Variants in STARD9 observed in about 807,000 individuals in gnomAD.
STARD9 encodes stAR-related lipid transfer protein 9.
A neutral mutation model predicts 399.8 loss-of-function variants in STARD9; 346 were observed. The observed-to-expected ratio is 0.87, with a 90% CI of 0.79 to 0.95. STARD9 has a LOEUF of 0.95. STARD9 is among the 40% of genes least tolerant of loss of function. The pLI, the probability that STARD9 is intolerant of heterozygous loss-of-function variation, is 0.00. For synonymous variants in STARD9, 2,203 were observed against 2,143.5 expected (o/e 1.03, Z -0.77); for missense variants, 5,832 against 5,667.5 (o/e 1.03, Z -0.93).
At chr15:42,596,944 A>G (rs533255417) in intron 3 of STARD9, among the ~76,000 whole-genome samples, 7 of 152,300 alleles carry the variant, frequency 4.6e-5, no homozygotes, top group Non-Finnish European at 8.8e-5. Flanking sequence ...ATTGTTTACA[A>G]TTCTTTTGGT....
In STARD9 at chr15:42,694,361, G is replaced by T. The variant is rs1410286302; in HGVS notation, c.12764+19G>T. 2.0e-6 allele frequency: 3 copies of T among 1,534,084 alleles called. No individual in the cohort carries two copies. Among genetic ancestry groups the T allele is most frequent in the Non-Finnish European group, 2.6e-6 (3 of 1,145,002 alleles). ...ATGCACGGTAAGGACCCCCAGCCTG[G>T]AGTCGGGAGGGGAAGGGGTGGGCTG... On this transcript the variant is annotated intron_variant, in intron 23 of 32. Transcript: ENST00000290607.
In STARD9 at chr15:42,638,801, C is replaced by G; in HGVS notation, c.548C>G (p.Pro183Arg). ...GTCAGGGAGCATCCAGAGATGGGGC[C>G]CTATGTACAAGGTGAGCTACTGTGG... ...LRVREHPEMG[P>R]YVQGLSQHVV... is the part of the protein sequence containing the mutation. Residue 183 changes from proline (P) to arginine (R), a missense_variant, in exon 7 of 33, where the codon CCC (proline) becomes CGC (arginine). Physicochemically the swap from Pro to Arg is moderately radical, Grantham distance 103. Coordinates refer to ENST00000290607, the MANE Select transcript of STARD9 (RefSeq NM_020759.3). The G allele has an allele frequency of 6.5e-7, 1 of 1,532,248 alleles. No homozygotes were observed. The highest frequency in any genetic ancestry group is 8.7e-7 in the Non-Finnish European group (1 of 1,143,658). The allele number at this position is 1,532,248 out of a possible 1,614,324, so 94.9% of individuals were successfully genotyped here.
chr15:42,647,953 T>G (rs1459386075), intron 7 of STARD9, among the ~76,000 whole-genome samples: 3 of 152,240 alleles, frequency 2.0e-5, no homozygotes, highest in Admixed American at 2.0e-4. Context: ...AAGTCTAATA[T>G]TTACTGGTTG....
chr15:42,607,663 C>CAG (rs1380442719), intron 3 of STARD9, among the ~76,000 whole-genome samples: 2 of 149,864 alleles, frequency 1.3e-5, no homozygotes, highest in Non-Finnish European at 3.0e-5. Context: ...CACACACACA[C>CAG]ACACACACAC....
chr15:42,635,107 T>G, intron 4 of STARD9, 135 bp downstream of exon 4: 1 of 518,652 alleles, frequency 1.9e-6, no homozygotes, highest in Non-Finnish European at 3.3e-6. Flanking sequence ...TTCTTCTGTT[T>G]TAAGAATGAG....
intron 9 of STARD9, among the ~76,000 whole-genome samples, chr15:42,657,314 C>G (rs184967251): frequency 8.8e-5 from 13 of 148,504 alleles, no homozygotes; most frequent in African/African-American, 3.3e-4. Context: ...GAGCTGAGAT[C>G]GTACCATCAC....
intron 6 of STARD9, 196 bp downstream of exon 6, chr15:42,638,283 G>A (rs2059457670): frequency 1.6e-6 from 1 of 612,180 alleles, no homozygotes; most frequent in African/African-American, 1.9e-5. Context: ...CCTACCCATA[G>A]ACTTAACAAG....
At chr15:42,709,792 T>G (rs2061171784) in intron 26 of STARD9, among the ~76,000 whole-genome samples, 3 of 152,184 alleles carry the variant, frequency 2.0e-5, no homozygotes, top group African/African-American at 7.2e-5. Flanking sequence ...CCTGTAAAAA[T>G]TATTACTGTG....
At chr15:42,709,516 C>T (rs2061165683) in intron 26 of STARD9, among the ~76,000 whole-genome samples, 1 of 152,116 alleles carries the variant, frequency 6.6e-6, no homozygotes, top group South Asian at 2.1e-4. Flanking sequence ...GAAACCCCGT[C>T]TCCACTAAAA....
Position 42,696,652 on chromosome 15 carries a change from G to A in STARD9, c.13284+772G>A, listed in dbSNP as rs1376752184. ...TGTGGGAGACCTCCTAGATGACCAC[G>A]GCAGAGCTGAGAGAGATGATTGCTT... On this transcript the variant is annotated intron_variant, in intron 26 of 32. Transcript: ENST00000290607. Among the ~76,000 whole-genome samples the A allele has an allele frequency of 3.3e-5, 5 of 152,184 alleles. No individual in the cohort carries two copies. The East Asian group carries it at 5.8e-4, about 18-fold the overall frequency.
intron 18 of STARD9, 101 bp downstream of exon 18, chr15:42,675,065 C>A (rs1482767615): frequency 7.9e-7 from 1 of 1,268,196 alleles, no homozygotes; most frequent in East Asian, 2.8e-5. Flanking sequence ...AAAAATGGAT[C>A]ACCCAGCCTC....
chr15:42,657,358 C>T (rs1365303025), intron 9 of STARD9, among the ~76,000 whole-genome samples: 1 of 112,158 alleles, frequency 8.9e-6, no homozygotes, highest in African/African-American at 5.7e-5. Context: ...GAGATTCCGT[C>T]TCAAAAAAAA....
At chr15:42,602,693 T>C (rs1431179472) in intron 3 of STARD9, among the ~76,000 whole-genome samples, 1 of 152,232 alleles carries the variant, frequency 6.6e-6, no homozygotes, top group Non-Finnish European at 1.5e-5. Context: ...GTCACACTGC[T>C]GTGCAAACAG....
At position 42,684,578 on chromosome 15, in the gene STARD9, G is replaced by A; in HGVS notation, c.3000G>A (p.Lys1000=). The A allele has an allele frequency of 6.5e-7, 1 of 1,537,254 alleles. No homozygotes were observed. Among genetic ancestry groups the A allele is most frequent in the Non-Finnish European group, 8.7e-7 (1 of 1,146,914 alleles). Reference sequence around the variant, plus strand: ...AAGAAGGGAACCTTGGGACCCACAAGGCTGCTAAGGGAGCCAGTTGCAATT... The same window carrying A: ...AAGAAGGGAACCTTGGGACCCACAAAGCTGCTAAGGGAGCCAGTTGCAATT... ...WRKEGNLGTH[K]AAKGASCNSL... The change falls in exon 23 of 33, where the codon AAG becomes AAA. Residue 1000 remains lysine, a synonymous_variant. Coordinates refer to ENST00000290607, the MANE Select transcript of STARD9 (RefSeq NM_020759.3).
At chr15:42,625,510 A>C (rs1419257232) in intron 3 of STARD9, among the ~76,000 whole-genome samples, 1 of 150,704 alleles carries the variant, frequency 6.6e-6, no homozygotes, top group East Asian at 1.9e-4. Context: ...TTTATATTTT[A>C]GTAGAGATGG....
At chr15:42,633,734 C>A (rs2059372773) in intron 3 of STARD9, among the ~76,000 whole-genome samples, 1 of 151,616 alleles carries the variant, frequency 6.6e-6, no homozygotes, top group South Asian at 2.1e-4. Context: ...CTTCCGCTTC[C>A]TGGGTTCAAG....
intron 26 of STARD9, among the ~76,000 whole-genome samples, chr15:42,699,948 C>A (rs2060930045): frequency 6.6e-6 from 1 of 152,118 alleles, no homozygotes; most frequent in African/African-American, 2.4e-5. Context: ...CTCAGGTGAT[C>A]CACCTGCCTC....
chr15:42,608,259 T>C (rs1347875094), intron 3 of STARD9, among the ~76,000 whole-genome samples: 3 of 151,678 alleles, frequency 2.0e-5, no homozygotes, highest in African/African-American at 2.4e-5. Context: ...TGGAGGAGGG[T>C]AGTGTGGTTT....
chr15:42,684,759 C>T lies in STARD9; in HGVS notation c.3181C>T (p.His1061Tyr). Reference protein sequence around the residue: ...RVRNITKKSSHLPLGSPLKRQ... With the variant: ...RVRNITKKSSYLPLGSPLKRQ... Reference sequence around the variant, plus strand: ...CAGAAATATTACCAAAAAGTCCTCTCACTTGCCTCTTGGCAGTCCTTTGAA... The same window carrying T: ...CAGAAATATTACCAAAAAGTCCTCTTACTTGCCTCTTGGCAGTCCTTTGAA... Residue 1061 changes from histidine to tyrosine, a missense_variant, in exon 23 of 33, where the codon CAC becomes TAC. Coordinates refer to ENST00000290607, the MANE Select transcript of STARD9 (RefSeq NM_020759.3). The T allele has an allele frequency of 6.5e-7, 1 of 1,537,240 alleles. No homozygotes were observed. Among genetic ancestry groups the T allele is most frequent in the Non-Finnish European group, 8.7e-7 (1 of 1,146,918 alleles).
Sources: gnomAD v4.1 joint callset for allele counts (sites outside exome capture counted in the v4.1 genomes callset) on GRCh38, gnomAD v4.1.1 for gene constraint, MANE v1.5 for transcripts, NCBI Gene and HGNC (gene_info 2026-07-23, HGNC 2026-07-21) for gene names.